The following CSMD1 variants were observed in gnomAD, a reference collection of about 807,000 sequenced individuals.
CSMD1 encodes CUB and Sushi multiple domains 1, also known as CUB and sushi domain-containing protein 1.
In CSMD1, 213 loss-of-function variants were observed where a neutral mutation model predicts 417.5. The ratio of observed to expected loss-of-function variants is 0.51; its 90% CI spans 0.46 to 0.57. The LOEUF (loss-of-function observed/expected upper bound fraction) is 0.57, where lower values mean the gene tolerates loss of function less well. Among genes scored for constraint, CSMD1 ranks in the 20% least tolerant of loss-of-function variants. CSMD1 has a pLI of 0.00. For missense variants in CSMD1, 6,923 were observed against 4,529.7 expected (o/e 1.53, Z -15.17); for synonymous variants, 2,862 against 1,736.8 (o/e 1.65, Z -16.11).
At chr8:3,726,419 A>C (rs1449592830) in intron 6 of CSMD1, among the ~76,000 whole-genome samples, 1 of 152,224 alleles carries the variant, frequency 6.6e-6, no homozygotes, top group Non-Finnish European at 1.5e-5. Context: ...GAAAGGATGG[A>C]ATGAGATTGG....
chr8:3,324,462 T>TC (rs1299303291), intron 23 of CSMD1, among the ~76,000 whole-genome samples: 2 of 136,522 alleles, frequency 1.5e-5, no homozygotes, highest in Non-Finnish European at 3.1e-5. Context: ...GGAGTTTCCT[T>TC]CCCCCCACCA....
intron 3 of CSMD1, among the ~76,000 whole-genome samples, chr8:4,186,365 G>T (rs753651725): frequency 6.6e-6 from 1 of 151,998 alleles, no homozygotes; most frequent in Admixed American, 6.6e-5. Flanking sequence ...TCCTATCTTC[G>T]TGTTGAATGC....
chr8:3,649,836 A>G (rs1052089983), intron 7 of CSMD1, among the ~76,000 whole-genome samples: 12 of 152,200 alleles, frequency 7.9e-5, no homozygotes, highest in African/African-American at 2.7e-4. Flanking sequence ...ATTTTGCAAT[A>G]CCTTGCTAGA....
At chr8:3,075,012 T>C (rs150369922) in intron 49 of CSMD1, among the ~76,000 whole-genome samples, 3 of 152,174 alleles carry the variant, frequency 2.0e-5, no homozygotes, top group African/African-American at 7.2e-5. Context: ...GGTGCTGTCC[T>C]CATGATAGTG....
chr8:4,211,214 T>A (rs1327811617), intron 3 of CSMD1, among the ~76,000 whole-genome samples: 18 of 152,066 alleles, frequency 1.2e-4, no homozygotes, highest in Admixed American at 1.2e-3. Flanking sequence ...CTTTTTTTTT[T>A]TAGCTGGCAT....
chr8:3,483,234 C>G (rs371041690), intron 11 of CSMD1, among the ~76,000 whole-genome samples: 1 of 151,462 alleles, frequency 6.6e-6, no homozygotes, highest in African/African-American at 2.4e-5. Context: ...TGCAGAAAGT[C>G]AGAAAAAGAG....
At chr8:3,082,445 C>T (rs1236527285) in intron 49 of CSMD1, among the ~76,000 whole-genome samples, 1 of 152,188 alleles carries the variant, frequency 6.6e-6, no homozygotes, top group African/African-American at 2.4e-5. Flanking sequence ...TATCCTGGAC[C>T]TTCTCTGCTA....
rs144187457 is a variant in CSMD1 at position 4,898,497 on chromosome 8, C to A, written c.85+95835G>T. Among the ~76,000 whole-genome samples the A allele has an allele frequency of 1.7e-3, 266 of 152,294 alleles. 1 individual carries two copies. Among genetic ancestry groups the A allele is most frequent in the African/African-American group, 6.2e-3 (257 of 41,574 alleles). On this transcript the variant is annotated intron_variant, in intron 1 of 69. Transcript: ENST00000635120. ...ACCAAAATCCAAATGCTTGCCTGCT[C>A]ACTCCCATTACAGAAGGACAATAAA...
chr8:3,749,699 G>A (rs1189551818), intron 6 of CSMD1, among the ~76,000 whole-genome samples: 2 of 152,154 alleles, frequency 1.3e-5, no homozygotes, highest in African/African-American at 2.4e-5. Context: ...CCAGTGGGCT[G>A]ATTTCATATA....
At chr8:2,976,023 G>A (rs1804887961) in intron 55 of CSMD1, among the ~76,000 whole-genome samples, 1 of 152,294 alleles carries the variant, frequency 6.6e-6, no homozygotes, top group Non-Finnish European at 1.5e-5. Context: ...TCCCATGTGT[G>A]AAAGCAAGGA....
chr8:3,586,982 T>C (rs985512025), intron 8 of CSMD1, among the ~76,000 whole-genome samples: 2 of 152,170 alleles, frequency 1.3e-5, no homozygotes, highest in Non-Finnish European at 2.9e-5. Context: ...GTATTTTTAG[T>C]AGAGACAGAG....
Position 4,146,259 on chromosome 8 carries a change from C to G in CSMD1, c.416-114160G>C, listed in dbSNP as rs542124911. 1.6e-4 allele frequency among the ~76,000 whole-genome samples: 24 copies of G among 151,096 alleles called. 1 individual carries two copies. The highest frequency in any genetic ancestry group is 5.9e-4 in the African/African-American group (24 of 40,486). On this transcript the variant is annotated intron_variant, in intron 3 of 69. Transcript: ENST00000635120. ...ACCTCTCCCAGGACCCTCATCCACT[C>G]GAGGCAGTAATTCGCGTAGTGCAGT...
rs117078227 is a variant in CSMD1, at chr8:4,670,125, G to A, written c.86-32567C>T. On this transcript the variant is annotated intron_variant, in intron 1 of 69. Transcript: ENST00000635120. ...AGATAGGGCAAACTTTCTGATTAGGGTAGGGTTAGAAATATAGTTTTTCAT... is the reference window on the plus strand; with the variant it reads ...AGATAGGGCAAACTTTCTGATTAGGATAGGGTTAGAAATATAGTTTTTCAT... 6.4e-3 allele frequency among the ~76,000 whole-genome samples: 971 copies of A among 152,222 alleles called. 4 individuals carry two copies. Among genetic ancestry groups the A allele is most frequent in the Non-Finnish European group, 0.012 (790 of 68,030 alleles).
chr8:4,696,026 T>C (rs888272986), intron 1 of CSMD1, among the ~76,000 whole-genome samples: 6 of 152,226 alleles, frequency 3.9e-5, no homozygotes, highest in African/African-American at 7.2e-5. Flanking sequence ...TCAGGAGACT[T>C]TGAGGAACTT....
intron 5 of CSMD1, among the ~76,000 whole-genome samples, chr8:3,993,141 T>G (rs1438061432): frequency 1.3e-5 from 2 of 152,216 alleles, no homozygotes; most frequent in Middle Eastern, 3.2e-3. Flanking sequence ...TGCCAATAAT[T>G]ACACTATGGT....
At chr8:4,516,684 C>T (rs1803146560) in intron 2 of CSMD1, among the ~76,000 whole-genome samples, 1 of 152,162 alleles carries the variant, frequency 6.6e-6, no homozygotes, top group African/African-American at 2.4e-5. Flanking sequence ...TGATCAGCCC[C>T]AGATTCCTCC....
intron 3 of CSMD1, among the ~76,000 whole-genome samples, chr8:4,207,971 A>G (rs1360478600): frequency 6.6e-6 from 1 of 152,176 alleles, no homozygotes; most frequent in Non-Finnish European, 1.5e-5. Context: ...AATATTCATT[A>G]TAGCATGAAA....
chr8:3,453,508 T>G (rs1228610680), intron 12 of CSMD1, among the ~76,000 whole-genome samples: 1 of 152,228 alleles, frequency 6.6e-6, no homozygotes, highest in Non-Finnish European at 1.5e-5. Flanking sequence ...TCTGGTATGT[T>G]GTGTCTTTGT....
At chr8:3,155,091 C>G (rs1819434679) in intron 39 of CSMD1, among the ~76,000 whole-genome samples, 1 of 150,254 alleles carries the variant, frequency 6.7e-6, no homozygotes, top group African/African-American at 2.5e-5. Flanking sequence ...AGAGAAAAGC[C>G]TATTATATTT....
Sources: gnomAD v4.1 joint callset for allele counts (sites outside exome capture counted in the v4.1 genomes callset) on GRCh38, gnomAD v4.1.1 for gene constraint, MANE v1.5 for transcripts, NCBI Gene and HGNC (gene_info 2026-07-23, HGNC 2026-07-21) for gene names.